Variants in CALN1 observed in about 807,000 individuals in gnomAD.
CALN1 encodes the protein calcium-binding protein 8.
CALN1 carries 17 observed loss-of-function variants against 30.6 expected under a neutral mutation model. The ratio of observed to expected loss-of-function variants is 0.56; its 90% CI spans 0.38 to 0.83. CALN1 has a LOEUF of 0.83. Among genes scored for constraint, CALN1 ranks in the 40% least tolerant of loss-of-function variants. The pLI, the probability that CALN1 is intolerant of heterozygous loss-of-function variation, is 0.00. For synonymous variants in CALN1, 156 were observed against 131.4 expected (o/e 1.19, Z -1.28); for missense variants, 291 against 354.9 (o/e 0.82, Z 1.45).
intron 4 of CALN1, among the ~76,000 whole-genome samples, chr7:72,035,199 T>C (rs958124809): frequency 6.6e-6 from 1 of 152,098 alleles, no homozygotes; most frequent in African/African-American, 2.4e-5. Flanking sequence ...TGTGTAACCA[T>C]TACCACCACC....
intron 2 of CALN1, chr7:72,336,819 C>G: frequency 1.0e-6 from 1 of 985,080 alleles, no homozygotes; most frequent in Non-Finnish European, 1.2e-6. Context: ...GCCGAGCGGG[C>G]AGCGCTCAGC....
At chr7:72,201,519 A>G (rs1328089033) in intron 3 of CALN1, among the ~76,000 whole-genome samples, 1 of 151,938 alleles carries the variant, frequency 6.6e-6, no homozygotes, top group African/African-American at 2.4e-5. Flanking sequence ...TGAACCTGGT[A>G]GGCAAAGGCT....
At chr7:72,272,289 T>C (rs1017292127) in intron 3 of CALN1, among the ~76,000 whole-genome samples, 5 of 152,034 alleles carry the variant, frequency 3.3e-5, no homozygotes, top group African/African-American at 1.2e-4. Flanking sequence ...AGGCCAGGTG[T>C]GTTCGCTCAT....
At chr7:72,248,748 G>T (rs1282397054) in intron 3 of CALN1, among the ~76,000 whole-genome samples, 1 of 151,612 alleles carries the variant, frequency 6.6e-6, no homozygotes, top group African/African-American at 2.4e-5. Context: ...ATCTTTAGGG[G>T]GATATCTTTG....
chr7:72,464,163 A>G, the CALN1 span, among the ~76,000 whole-genome samples: 64 of 152,134 alleles, frequency 4.2e-4, 1 homozygote, highest in African/African-American at 1.5e-3. Flanking sequence ...ATTTTAATTA[A>G]CTGAGTATGG....
At chr7:72,070,772 C>A (rs1268049929) in intron 4 of CALN1, among the ~76,000 whole-genome samples, 1 of 152,164 alleles carries the variant, frequency 6.6e-6, no homozygotes, top group Non-Finnish European at 1.5e-5. Context: ...TTAGACTTTG[C>A]CACTTCAGTC....
intron 5 of CALN1, among the ~76,000 whole-genome samples, chr7:71,976,043 C>A (rs573237576): frequency 1.1e-4 from 16 of 151,848 alleles, no homozygotes; most frequent in Non-Finnish European, 1.6e-4. Context: ...CCGGTCTCCA[C>A]AAGAGACAAT....
chr7:72,012,033 A>T (rs1800111909), intron 5 of CALN1, among the ~76,000 whole-genome samples: 1 of 151,806 alleles, frequency 6.6e-6, no homozygotes, highest in Non-Finnish European at 1.5e-5. Flanking sequence ...TAGATTGAAT[A>T]AAAAAAATAC....
intron 4 of CALN1, among the ~76,000 whole-genome samples, chr7:72,033,259 C>G (rs993351711): frequency 1.3e-5 from 2 of 151,956 alleles, no homozygotes; most frequent in Non-Finnish European, 1.5e-5. Flanking sequence ...AGCCAAAATT[C>G]TCATAAGGAG....
intron 2 of CALN1, among the ~76,000 whole-genome samples, chr7:72,338,718 A>T (rs1802244027): frequency 6.6e-6 from 1 of 151,870 alleles, no homozygotes; most frequent in South Asian, 2.1e-4. Flanking sequence ...GGTACATGAG[A>T]TGTTTTGTTA....
chr7:71,856,216 A>AATATAC (rs201380706), intron 5 of CALN1, among the ~76,000 whole-genome samples: 2,915 of 151,650 alleles, frequency 0.019, 43 homozygotes, highest in Non-Finnish European at 0.031. Context: ...TATATTTATA[A>AATATAC]ATATACATAT....
intron 4 of CALN1, among the ~76,000 whole-genome samples, chr7:72,062,666 A>G (rs1803747927): frequency 6.6e-6 from 1 of 152,184 alleles, no homozygotes; most frequent in East Asian, 1.9e-4. Flanking sequence ...AACAAAAATT[A>G]TAACATTGTC....
intron 2 of CALN1, among the ~76,000 whole-genome samples, chr7:72,371,067 G>C (rs1289217437): frequency 1.6e-5 from 2 of 128,194 alleles, no homozygotes; most frequent in Non-Finnish European, 3.4e-5. Context: ...AAAAAAAAAA[G>C]AGAGGGCTCT....
intron 1 of CALN1, among the ~76,000 whole-genome samples, chr7:72,423,146 T>C (rs1276935653): frequency 6.6e-6 from 1 of 152,058 alleles, no homozygotes; most frequent in Non-Finnish European, 1.5e-5. Context: ...TTTCATTTTA[T>C]CTTATCATTT....
intron 3 of CALN1, among the ~76,000 whole-genome samples, chr7:72,133,590 G>A (rs187845790): frequency 6.4e-4 from 98 of 152,268 alleles, no homozygotes; most frequent in African/African-American, 2.1e-3. Context: ...AAAGTTTGAC[G>A]ATTATGGATA....
chr7:72,124,148 G>C (rs1297203478), intron 3 of CALN1, among the ~76,000 whole-genome samples: 1 of 152,202 alleles, frequency 6.6e-6, no homozygotes, highest in Non-Finnish European at 1.5e-5. Flanking sequence ...ACCTGGCTCA[G>C]AGTCCAGGAG....
upstream of CALN1, among the ~76,000 whole-genome samples, chr7:72,449,379 G>A (rs1334730264): frequency 6.6e-6 from 1 of 152,182 alleles, no homozygotes; most frequent in Non-Finnish European, 1.5e-5. Context: ...CAATCTCCCA[G>A]ATCCTAGCCA....
At chr7:72,500,569 C>T in the CALN1 span, among the ~76,000 whole-genome samples, 2 of 151,880 alleles carry the variant, frequency 1.3e-5, no homozygotes, top group Admixed American at 6.6e-5. Flanking sequence ...CGTGAGCCAC[C>T]GTGCCCAGCT....
intron 3 of CALN1, among the ~76,000 whole-genome samples, chr7:72,173,625 G>A (rs1309849758): frequency 6.6e-6 from 1 of 152,138 alleles, no homozygotes; most frequent in African/African-American, 2.4e-5. Context: ...TCAAGAAATA[G>A]AGATACATAT....
Sources: gnomAD v4.1 joint callset for allele counts (sites outside exome capture counted in the v4.1 genomes callset) on GRCh38, gnomAD v4.1.1 for gene constraint, MANE v1.5 for transcripts, NCBI Gene and HGNC (gene_info 2026-07-23, HGNC 2026-07-21) for gene names.